Variants in TENM2 observed in about 807,000 individuals in gnomAD.
TENM2 encodes teneurin-2.
In TENM2, 52 loss-of-function variants were observed where a neutral mutation model predicts 245.2. The observed-to-expected ratio is 0.21, with a 90% confidence interval of 0.17 to 0.27. TENM2 has a LOEUF of 0.27. Ranked by LOEUF, TENM2 falls within the 10% of genes least tolerant of loss-of-function variation. TENM2 has a pLI of 1.00. For synonymous variants in TENM2, 1,363 were observed against 1,438.9 expected (o/e 0.95, Z 1.19); for missense variants, 3,046 against 3,666.8 (o/e 0.83, Z 4.37).
At chr5:166,991,036 G>A in the TENM2 span, among the ~76,000 whole-genome samples, 5 of 152,054 alleles carry the variant, frequency 3.3e-5, no homozygotes, top group Admixed American at 3.3e-4. Context: ...GTGAAAGAGA[G>A]AATGAAAGAT....
chr5:167,517,439 T>C (rs1450358474), intron 2 of TENM2, among the ~76,000 whole-genome samples: 1 of 152,150 alleles, frequency 6.6e-6, no homozygotes, highest in Non-Finnish European at 1.5e-5. Context: ...AGGGAGATAA[T>C]GGATGGTCTC....
At chr5:167,750,540 T>G (rs1002820540) in intron 2 of TENM2, among the ~76,000 whole-genome samples, 6 of 152,222 alleles carry the variant, frequency 3.9e-5, no homozygotes, top group African/African-American at 1.4e-4. Flanking sequence ...CTGGGGTGAT[T>G]GGTATACCAT....
chr5:167,111,478 G>A, the TENM2 span, among the ~76,000 whole-genome samples: 127 of 152,252 alleles, frequency 8.3e-4, 1 homozygote, highest in Non-Finnish European at 1.1e-3. Flanking sequence ...TGTATTACAC[G>A]TAGGAAGCAC....
intron 2 of TENM2, among the ~76,000 whole-genome samples, chr5:167,415,458 T>C (rs971248144): frequency 6.6e-6 from 1 of 152,196 alleles, no homozygotes; most frequent in Non-Finnish European, 1.5e-5. Context: ...GAATAATGTT[T>C]TCTAATTATC....
chr5:167,557,860 A>C (rs1773350697), intron 2 of TENM2, among the ~76,000 whole-genome samples: 1 of 152,238 alleles, frequency 6.6e-6, no homozygotes, highest in African/African-American at 2.4e-5. Flanking sequence ...TGAGGTTGAA[A>C]AAAATCTTGA....
intron 2 of TENM2, among the ~76,000 whole-genome samples, chr5:167,807,626 A>ATTTT: frequency 3.4e-5 from 1 of 29,722 alleles, no homozygotes; most frequent in African/African-American, 9.0e-5. Context: ...ATTTTTTTTA[A>ATTTT]AAAAAAAAAA....
chr5:168,176,754 G>A lies in TENM2; in HGVS notation c.2570-13583G>A, dbSNP rs1759397287. Reference sequence around the variant, plus strand: ...GAATTGAATGAGTAAAAGCTTTCACGAGAAGTGTTTGGGATCAGAAGCAAT... The same window carrying A: ...GAATTGAATGAGTAAAAGCTTTCACAAGAAGTGTTTGGGATCAGAAGCAAT... On this transcript the variant is annotated intron_variant, in intron 13 of 28. Coordinates refer to ENST00000518659, the Ensembl canonical transcript of TENM2. Among the ~76,000 whole-genome samples, 4 of 152,176 alleles carry A rather than the reference G, an allele frequency of 2.6e-5. No individual in the cohort carries two copies. The South Asian group carries it at 6.2e-4, about 24-fold the overall frequency.
At chr5:167,771,243 C>G (rs1403900859) in intron 2 of TENM2, among the ~76,000 whole-genome samples, 1 of 152,078 alleles carries the variant, frequency 6.6e-6, no homozygotes, top group Non-Finnish European at 1.5e-5. Flanking sequence ...GTAATTGCTG[C>G]AGAAAGATAC....
the TENM2 span, among the ~76,000 whole-genome samples, chr5:167,037,351 C>T: frequency 2.0e-5 from 3 of 152,186 alleles, no homozygotes; most frequent in East Asian, 5.8e-4. Flanking sequence ...GTAATCATTT[C>T]AGGAGAAAAT....
intron 1 of TENM2, among the ~76,000 whole-genome samples, chr5:167,323,385 A>G (rs1284251943): frequency 6.6e-6 from 1 of 152,152 alleles, no homozygotes; most frequent in East Asian, 1.9e-4. Flanking sequence ...AGATACAGAT[A>G]TGTGTGTATA....
chr5:167,479,178 C>G (rs1561989999), intron 2 of TENM2, among the ~76,000 whole-genome samples: 1 of 152,128 alleles, frequency 6.6e-6, no homozygotes, highest in African/African-American at 2.4e-5. Context: ...CCAGATTTAT[C>G]TAAACCTCTG....
exon 3 of TENM2, chr5:167,876,111 A>G (rs1347325930): frequency 4.5e-6 from 7 of 1,551,296 alleles, no homozygotes; most frequent in African/African-American, 4.1e-5. Flanking sequence ...CCATCAAATC[A>G]TGGACACCAA....
At chr5:167,952,719 A>T in exon 4 of TENM2, 1 of 1,607,214 alleles carries the variant, frequency 6.2e-7, no homozygotes, top group Non-Finnish European at 8.5e-7. Flanking sequence ...GCGGAGTCAG[A>T]TCCACGCCCC....
chr5:168,203,041 C>G (rs1157603064), intron 17 of TENM2, among the ~76,000 whole-genome samples: 2 of 152,204 alleles, frequency 1.3e-5, no homozygotes, highest in Admixed American at 6.5e-5. Flanking sequence ...ATTTCCACCT[C>G]TCTCTCCCAT....
intron 8 of TENM2, among the ~76,000 whole-genome samples, chr5:168,092,558 A>C (rs980509120): frequency 1.3e-5 from 2 of 152,232 alleles, no homozygotes; most frequent in African/African-American, 4.8e-5. Context: ...TTGTATAATG[A>C]AAGTCAGTGG....
intron 2 of TENM2, among the ~76,000 whole-genome samples, chr5:167,705,993 T>TATATATATA: frequency 3.0e-5 from 2 of 66,466 alleles, no homozygotes; most frequent in East Asian, 5.1e-4. Context: ...ATATATATAT[T>TATATATATA]TATTTATTTA....
intron 2 of TENM2, among the ~76,000 whole-genome samples, chr5:167,421,595 C>T (rs538883664): frequency 2.6e-5 from 4 of 152,184 alleles, no homozygotes; most frequent in South Asian, 2.1e-4. Flanking sequence ...TGGACGTTGG[C>T]GACTAATAAA....
intron 27 of TENM2, among the ~76,000 whole-genome samples, chr5:168,258,456 G>A (rs555168863): frequency 7.8e-4 from 118 of 152,152 alleles, no homozygotes; most frequent in African/African-American, 2.5e-3. Flanking sequence ...AGCCGAAATC[G>A]CGCCACTGCA....
intron 1 of TENM2, among the ~76,000 whole-genome samples, chr5:167,309,513 A>G (rs573219297): frequency 6.6e-6 from 1 of 152,114 alleles, no homozygotes; most frequent in South Asian, 2.1e-4. Context: ...ACCAAGATGA[A>G]CCCCTCAGAA....
Sources: allele counts gnomAD v4.1 joint callset (sites outside exome capture counted in the v4.1 genomes callset), GRCh38; gene constraint gnomAD v4.1.1; transcripts MANE v1.5; gene names NCBI Gene and HGNC (gene_info 2026-07-23, HGNC 2026-07-21).